The following CENPK variants were observed in gnomAD, a reference collection of about 807,000 sequenced individuals.
CENPK encodes the protein SoxLZ/Sox6-binding protein Solt.
Under a neutral mutation model 40.9 loss-of-function variants are expected in CENPK, and 46 were observed. The ratio of observed to expected loss-of-function variants is 1.13; its 90% CI spans 0.89 to 1.44. The LOEUF (loss-of-function observed/expected upper bound fraction) is 1.44, where lower values mean the gene tolerates loss of function less well. Ranked by LOEUF, CENPK falls within the 40% of genes most tolerant of loss-of-function variation. The pLI is 0.00. For synonymous variants in CENPK, 107 were observed against 104.4 expected, an observed-to-expected ratio of 1.02 and a Z score of -0.15; for missense variants, 288 against 303.5, an observed-to-expected ratio of 0.95 and a Z score of 0.38.
intron 6 of CENPK, among the ~76,000 whole-genome samples, chr5:65,535,833 A>T (rs1746793575): frequency 6.6e-6 from 1 of 152,222 alleles, no homozygotes; most frequent in South Asian, 2.1e-4. Flanking sequence ...CACAACTAGC[A>T]TTACAAATGA....
chr5:65,510,805 G>T, the CENPK span, among the ~76,000 whole-genome samples: 1 of 151,632 alleles, frequency 6.6e-6, no homozygotes, highest in Non-Finnish European at 1.5e-5. Context: ...AAAGAAAAAT[G>T]GTTTACGCAA....
At chr5:65,524,671 A>C in intron 9 of CENPK, 1 of 154,392 alleles carries the variant, frequency 6.5e-6, no homozygotes, top group Non-Finnish European at 1.5e-5. Context: ...ACACAGGGAG[A>C]CTCCATCTCA....
In CENPK at chr5:65,529,103, TAAC is replaced by T. The variant is rs1745268943; in HGVS notation, c.371+11_371+13del. 2 of 1,575,678 alleles carry T rather than the reference TAAC, an allele frequency of 1.3e-6. No homozygotes were observed. The highest frequency in any genetic ancestry group is 2.7e-5 in the African/African-American group (2 of 73,794). Reference sequence around the variant, plus strand: ...ATATATGAATGATTAATAGTAATTGTAACATAAACAAACCTTTCTAAGTCTTCC... The same window carrying T: ...ATATATGAATGATTAATAGTAATTGTATAAACAAACCTTTCTAAGTCTTCC... On this transcript the variant is annotated intron_variant, in intron 7 of 10. Coordinates refer to ENST00000396679, the MANE Select transcript of CENPK (RefSeq NM_022145.5).
At chr5:65,562,967 C>G (rs1368390343) in intron 1 of CENPK, 131 bp downstream of exon 1, 1 of 187,746 alleles carries the variant, frequency 5.3e-6, no homozygotes, top group Non-Finnish European at 1.1e-5. Context: ...CGCGGGAAGC[C>G]GAGAAGAACG....
chr5:65,502,331 C>T, the CENPK span, among the ~76,000 whole-genome samples: 1 of 152,172 alleles, frequency 6.6e-6, no homozygotes, highest in Non-Finnish European at 1.5e-5. Flanking sequence ...AAGAAAACTG[C>T]TGTGTCCCTC....
intron 6 of CENPK, among the ~76,000 whole-genome samples, chr5:65,538,623 A>G (rs1326129422): frequency 6.6e-6 from 1 of 152,186 alleles, no homozygotes; most frequent in Non-Finnish European, 1.5e-5. Flanking sequence ...TATTTTTCAT[A>G]AATAAAATAA....
At chr5:65,530,436 T>C (rs1218695416) in intron 6 of CENPK, among the ~76,000 whole-genome samples, 2 of 152,226 alleles carry the variant, frequency 1.3e-5, no homozygotes, top group African/African-American at 2.4e-5. Context: ...GAAAACATTA[T>C]GTTACTCTCT....
At chr5:65,525,828 A>T (rs973351151) in intron 9 of CENPK, among the ~76,000 whole-genome samples, 3 of 152,006 alleles carry the variant, frequency 2.0e-5, no homozygotes, top group African/African-American at 7.3e-5. Flanking sequence ...GAACACAGTG[A>T]GCAAGTGGTC....
intron 6 of CENPK, among the ~76,000 whole-genome samples, chr5:65,533,517 C>T (rs1285878130): frequency 6.6e-6 from 1 of 151,966 alleles, no homozygotes; most frequent in African/African-American, 2.4e-5. Context: ...AGGAACAAGG[C>T]AAAGATGTCC....
chr5:65,544,564 A>G (rs1259841600), intron 5 of CENPK, among the ~76,000 whole-genome samples: 1 of 152,216 alleles, frequency 6.6e-6, no homozygotes, highest in Non-Finnish European at 1.5e-5. Context: ...AGGGCCTCAA[A>G]GAGAACTGCA....
At chr5:65,531,439 T>A (rs1444970200) in intron 6 of CENPK, among the ~76,000 whole-genome samples, 3 of 149,836 alleles carry the variant, frequency 2.0e-5, no homozygotes, top group African/African-American at 7.4e-5. Context: ...ACAATTGACA[T>A]GCAACATCAA....
At chr5:65,544,258 A>C (rs1748501661) in intron 5 of CENPK, among the ~76,000 whole-genome samples, 1 of 152,218 alleles carries the variant, frequency 6.6e-6, no homozygotes, top group African/African-American at 2.4e-5. Context: ...CTCTATAAGA[A>C]GCTCACTAAT....
chr5:65,510,075 A>G, the CENPK span, among the ~76,000 whole-genome samples: 1 of 152,192 alleles, frequency 6.6e-6, no homozygotes, highest in Non-Finnish European at 1.5e-5. Flanking sequence ...ACCTACAACG[A>G]CCTCTAAGTG....
chr5:65,520,117 T>C (rs1743445108), intron 10 of CENPK, among the ~76,000 whole-genome samples: 1 of 152,080 alleles, frequency 6.6e-6, no homozygotes, highest in Admixed American at 6.5e-5. Flanking sequence ...TCAGGGTGAA[T>C]TTCTCATGAA....
chr5:65,541,427 T>C (rs1348390954), intron 6 of CENPK: 1 of 456,272 alleles, frequency 2.2e-6, no homozygotes, highest in Non-Finnish European at 4.4e-6. Flanking sequence ...AGAATCATCA[T>C]CTGCAGAATC....
intron 9 of CENPK, among the ~76,000 whole-genome samples, chr5:65,525,415 A>G (rs1744514142): frequency 6.6e-6 from 1 of 152,160 alleles, no homozygotes; most frequent in Non-Finnish European, 1.5e-5. Flanking sequence ...CATTTACAAA[A>G]TTACATTGAT....
intron 6 of CENPK, among the ~76,000 whole-genome samples, chr5:65,539,691 C>G (rs1747603934): frequency 6.6e-6 from 1 of 152,222 alleles, no homozygotes; most frequent in Non-Finnish European, 1.5e-5. Context: ...GTCTGTGCTT[C>G]ACTCACAGTA....
At chr5:65,560,215 G>T (rs184949312) in intron 2 of CENPK, among the ~76,000 whole-genome samples, 1 of 151,662 alleles carries the variant, frequency 6.6e-6, no homozygotes, top group Admixed American at 6.6e-5. Context: ...CCAAACCTAG[G>T]AGAAATACTT....
At chr5:65,511,046 GT>G in the CENPK span, among the ~76,000 whole-genome samples, 18 of 152,242 alleles carry the variant, frequency 1.2e-4, no homozygotes, top group African/African-American at 4.3e-4. Context: ...AAATTACCCA[GT>G]TTTAGTTATT....
Sources: gnomAD v4.1 joint callset for allele counts (sites outside exome capture counted in the v4.1 genomes callset) on GRCh38, gnomAD v4.1.1 for gene constraint, MANE v1.5 for transcripts, NCBI Gene and HGNC (gene_info 2026-07-23, HGNC 2026-07-21) for gene names.